SH3YL1: variants seen among roughly 807,000 people sequenced by gnomAD.
The protein encoded by SH3YL1 is SH3 domain-containing YSC84-like protein 1.
Under a neutral mutation model 45.8 loss-of-function variants are expected in SH3YL1, and 41 were observed. The ratio of observed to expected loss-of-function variants is 0.89; its 90% CI spans 0.70 to 1.16. The LOEUF is 1.16. Ranked by LOEUF, SH3YL1 falls within the 50% of genes most tolerant of loss-of-function variation. The pLI, the probability that SH3YL1 is intolerant of heterozygous loss-of-function variation, is 0.00. For missense variants in SH3YL1, 389 were observed against 409.6 expected, an observed-to-expected ratio of 0.95 and a Z score of 0.43; for synonymous variants, 152 against 151.4, an observed-to-expected ratio of 1.00 and a Z score of -0.03.
chr2:262,542 A>C, intron 1 of SH3YL1: 1 of 1,291,938 alleles, frequency 7.7e-7, no homozygotes, highest in Non-Finnish European at 1.0e-6. Flanking sequence ...AGAGTAAAAA[A>C]TGGGATCTTC....
At chr2:262,642 C>CG (rs1472201865) in intron 1 of SH3YL1, 2 of 1,304,184 alleles carry the variant, frequency 1.5e-6, no homozygotes, top group Non-Finnish European at 2.0e-6. Context: ...GGCAAACAAG[C>CG]TGGCGTGCAC....
chr2:257,579 AATG>A (rs1399638533), intron 1 of SH3YL1, among the ~76,000 whole-genome samples: 1 of 152,184 alleles, frequency 6.6e-6, no homozygotes, highest in Non-Finnish European at 1.5e-5. Flanking sequence ...ACATAAGGAA[AATG>A]ATGAGCTGTA....
Position 218,418 on chromosome 2 carries a change from C to G in SH3YL1, c.*393G>C, listed in dbSNP as rs1208771021. On this transcript the variant is annotated 3_prime_UTR_variant, in exon 10 of 10. Coordinates refer to ENST00000356150, the MANE Select transcript of SH3YL1 (RefSeq NM_015677.4). ...AACATTACTTAATACCTCATTTAAGCTGATTTCTTTTTCTCTAGTCACTTT... is the reference window on the plus strand; with the variant it reads ...AACATTACTTAATACCTCATTTAAGGTGATTTCTTTTTCTCTAGTCACTTT... 1 of 160,764 alleles carries G rather than the reference C, an allele frequency of 6.2e-6. No individual in the cohort carries two copies. Among genetic ancestry groups the G allele is most frequent in the Non-Finnish European group, 1.3e-5 (1 of 74,306 alleles). 10.0% of individuals were successfully genotyped at this position (160,764 alleles called of 1,614,324 possible). A position where few individuals can be genotyped will look rare whatever the true frequency, so the allele number is the denominator to read the frequency against.
chr2:242,980 A>T (rs1007313196), intron 4 of SH3YL1: 1 of 639,446 alleles, frequency 1.6e-6, no homozygotes, highest in African/African-American at 1.9e-5. Context: ...ATAGTAATAC[A>T]CATATATTTA....
At chr2:262,403 G>A (rs1390510874) in intron 1 of SH3YL1, 6 of 324,494 alleles carry the variant, frequency 1.8e-5, no homozygotes, top group Non-Finnish European at 3.4e-5. Context: ...AGAGGACAGC[G>A]AAAGCTTTCT....
At chr2:255,362 G>A (rs1398839416) in intron 1 of SH3YL1, among the ~76,000 whole-genome samples, 1 of 152,204 alleles carries the variant, frequency 6.6e-6, no homozygotes, top group Non-Finnish European at 1.5e-5. Context: ...GGGAGGCCAA[G>A]GGAGGAGGAT....
intron 1 of SH3YL1, chr2:262,695 T>C: frequency 7.7e-7 from 1 of 1,301,564 alleles, no homozygotes. Flanking sequence ...TAGCAGTTAT[T>C]TCCCTTTGAC....
intron 8 of SH3YL1, among the ~76,000 whole-genome samples, chr2:225,154 C>G (rs1053833315): frequency 2.0e-5 from 3 of 152,176 alleles, no homozygotes; most frequent in African/African-American, 7.2e-5. Context: ...CACAGAAGTA[C>G]ACACACTATT....
intron 9 of SH3YL1, among the ~76,000 whole-genome samples, chr2:221,432 CTA>C (rs1233407981): frequency 6.6e-6 from 1 of 151,788 alleles, no homozygotes; most frequent in Non-Finnish European, 1.5e-5. Flanking sequence ...ATATTATGAA[CTA>C]AGAAAGAGAA....
chr2:262,570 A>T lies in SH3YL1; in HGVS notation c.1+1414T>A, dbSNP rs142947836. 1.8e-5 allele frequency: 24 copies of T among 1,301,804 alleles called. No individual in the cohort carries two copies. In the Admixed American group the frequency reaches 5.1e-4, roughly 28 times the overall value. The allele number at this position is 1,301,804 out of a possible 1,614,324, so 80.6% of individuals were successfully genotyped here. A position where few individuals can be genotyped will look rare whatever the true frequency, so the allele number is the denominator to read the frequency against. On this transcript the variant is annotated intron_variant, in intron 1 of 9. Transcript: ENST00000356150. ...GGATCTTCTCAGAGAAAATTTTTTT[A>T]AAAACTTCATGTGCTTAGGTCTCAG...
chr2:247,871 C>A (rs1373856873), intron 3 of SH3YL1, among the ~76,000 whole-genome samples: 1 of 152,166 alleles, frequency 6.6e-6, no homozygotes, highest in Non-Finnish European at 1.5e-5. Flanking sequence ...ATAAGACCAC[C>A]AACTACTGGT....
At chr2:260,714 A>G (rs1341121786) in intron 1 of SH3YL1, 1 of 152,234 alleles carries the variant, frequency 6.6e-6, no homozygotes, top group Non-Finnish European at 1.5e-5. Flanking sequence ...TGTTAAAGCA[A>G]TTTAGACTAG....
At chr2:229,317 GA>G (rs1186466969) in intron 8 of SH3YL1, among the ~76,000 whole-genome samples, 7 of 151,946 alleles carry the variant, frequency 4.6e-5, no homozygotes, top group Non-Finnish European at 1.0e-4. Context: ...AGTATGATAA[GA>G]AAAAAACAGG....
chr2:242,615 T>A (rs1401211672), intron 4 of SH3YL1, among the ~76,000 whole-genome samples: 7 of 152,004 alleles, frequency 4.6e-5, no homozygotes, highest in Admixed American at 2.0e-4. Context: ...CGGCATGAGA[T>A]ATAGAAAAAA....
intron 4 of SH3YL1, chr2:241,699 A>G (rs1256685937): frequency 6.6e-6 from 1 of 152,118 alleles, no homozygotes; most frequent in Non-Finnish European, 1.5e-5. Flanking sequence ...TAATAGATAG[A>G]TTTCTCTTCA....
intron 8 of SH3YL1, among the ~76,000 whole-genome samples, chr2:229,299 T>C (rs866793342): frequency 6.6e-6 from 1 of 152,204 alleles, no homozygotes; most frequent in African/African-American, 2.4e-5. Flanking sequence ...TTCAGAATTA[T>C]AAATATGAGT....
At position 264,001 on chromosome 2, in the gene SH3YL1, CGGCGCCCCGTCCCGA is replaced by C. The variant is rs1166349380; in HGVS notation, c.-32_-18del. On this transcript the variant is annotated 5_prime_UTR_variant, in exon 1 of 10. Coordinates refer to ENST00000356150, the MANE Select transcript of SH3YL1 (RefSeq NM_015677.4). ...GTACTCACTGCTGCCCGCCCGGCCGCGGCGCCCCGTCCCGAGGCTGCCCAGGAAGAGGAAGGCGCG... is the reference window on the plus strand; with the variant it reads ...GTACTCACTGCTGCCCGCCCGGCCGCGGCTGCCCAGGAAGAGGAAGGCGCG... The C allele has an allele frequency of 6.9e-7, 1 of 1,450,804 alleles. No individual in the cohort carries two copies. The highest frequency in any genetic ancestry group is 2.6e-5 in the Admixed American group (1 of 38,104). 89.9% of individuals were successfully genotyped at this position (1,450,804 alleles called of 1,614,324 possible).
intron 1 of SH3YL1, chr2:262,718 CTA>C: frequency 7.7e-7 from 1 of 1,290,886 alleles, no homozygotes; most frequent in Non-Finnish European, 1.0e-6. Flanking sequence ...CCTCAACTTC[CTA>C]TGTTTGTGTT....
rs769999861 is a variant in SH3YL1, at chr2:230,042, A to T, written c.705T>A (p.Ala235=). The T allele has an allele frequency of 3.1e-6, 5 of 1,596,538 alleles. No homozygotes were observed. The South Asian group carries it at 5.7e-5, about 18-fold the overall frequency. ...KAAREQRKSS[A]KELPPKPLSR... ...ACAATGGCTTTGGAGGTAATTCTTT[A>T]GCCTGGGAGAAACAAAAAGATAAAT... is the stretch of plus-strand genomic sequence containing the variant. Residue 235 remains alanine (A), a splice_region_variant and synonymous_variant, in exon 8 of 10, where the codon GCT becomes GCA. Coordinates refer to ENST00000356150, the MANE Select transcript of SH3YL1 (RefSeq NM_015677.4).
Sources: gnomAD v4.1 joint callset for allele counts (sites outside exome capture counted in the v4.1 genomes callset) on GRCh38, gnomAD v4.1.1 for gene constraint, MANE v1.5 for transcripts, NCBI Gene and HGNC (gene_info 2026-07-23, HGNC 2026-07-21) for gene names.